The following B4GALNT4 variants were observed in gnomAD, a reference collection of about 807,000 sequenced individuals.
The protein encoded by B4GALNT4 is beta-1,4-N-acetyl-galactosaminyltransferase 4.
Under a neutral mutation model 110.0 loss-of-function variants are expected in B4GALNT4, and 77 were observed. The ratio of observed to expected loss-of-function variants is 0.70; its 90% CI spans 0.58 to 0.85. The LOEUF (loss-of-function observed/expected upper bound fraction) is 0.85. B4GALNT4 is among the 40% of genes least tolerant of loss of function. The pLI is 0.00. For synonymous variants in B4GALNT4, 785 were observed against 655.5 expected (o/e 1.20, Z -3.02); for missense variants, 1,575 against 1,506.0 (o/e 1.05, Z -0.76).
Position 379,512 on chromosome 11 carries a change from G to C in B4GALNT4, c.2299G>C (p.Gly767Arg), listed in dbSNP as rs776663552. ...FLLELELQER[G>R]GGRLRLSEYV... ...GCTGGAGCTGGAGCTGCAGGAGCGCGGGGGCGGCCGCCTGCGACTGTCCGA... is the reference window on the plus strand; with the variant it reads ...GCTGGAGCTGGAGCTGCAGGAGCGCCGGGGCGGCCGCCTGCGACTGTCCGA... Residue 767 changes from glycine to arginine, a missense_variant, in exon 15 of 20, where the codon GGG becomes CGG. Transcript: ENST00000329962. 6.3e-7 allele frequency: 1 copy of C among 1,576,896 alleles called. No individual in the cohort carries two copies.
rs1296618298 is a variant in B4GALNT4 at position 381,843 on chromosome 11, G to T, written c.*51G>T. On this transcript the variant is annotated 3_prime_UTR_variant, in exon 20 of 20. Transcript: ENST00000329962. The stretch of plus-strand genomic sequence containing the variant: ...GTGGGAGTCCCGAGGCAGCTGCTGG[G>T]GGCTGGGCTTTGAGCTCGGTCCCGA... The T allele has an allele frequency of 6.6e-7, 1 of 1,513,126 alleles. No homozygotes were observed. The highest frequency in any genetic ancestry group is 1.2e-5 in the South Asian group (1 of 80,398). 93.7% of individuals were successfully genotyped at this position (1,513,126 alleles called of 1,614,324 possible). A position where few individuals can be genotyped will look rare whatever the true frequency, so the allele number is the denominator to read the frequency against.
In B4GALNT4 at chr11:376,608, C is replaced by G; in HGVS notation, c.1485C>G (p.Ser495Arg). 2.2e-6 allele frequency: 3 copies of G among 1,394,676 alleles called. No individual in the cohort carries two copies. In the South Asian group the frequency reaches 4.4e-5, roughly 20 times the overall value. 86.4% of individuals were successfully genotyped at this position (1,394,676 alleles called of 1,614,324 possible). ...CCCCCAGGCACTCCCGGGCCCTGAGCTGGGCCGCCAGGGCCGCCCGCCCTT... is the reference window on the plus strand; with the variant it reads ...CCCCCAGGCACTCCCGGGCCCTGAGGTGGGCCGCCAGGGCCGCCCGCCCTT... ...GGTPRHSRAL[S>R]WAARAARPLP... The change falls in exon 14 of 20, where the codon AGC becomes AGG. Residue 495 changes from serine to arginine, a missense_variant. Transcript: ENST00000329962.
chr11:373,244 C>A lies in B4GALNT4; in HGVS notation c.589C>A (p.Leu197Met). The change falls in exon 6 of 20, where the codon CTG becomes ATG. Residue 197 changes from leucine (L) to methionine (M), a missense_variant. Coordinates refer to ENST00000329962, the MANE Select transcript of B4GALNT4 (RefSeq NM_178537.5). Reference protein sequence around the residue: ...SDDNSEFWLSLDESPAAAQLV... With the variant: ...SDDNSEFWLSMDESPAAAQLV... ...CGACAACTCGGAGTTCTGGCTGAGTCTGGACGAGAGCCCTGCTGCTGCCCA... is the reference window on the plus strand; with the variant it reads ...CGACAACTCGGAGTTCTGGCTGAGTATGGACGAGAGCCCTGCTGCTGCCCA... 6.2e-7 allele frequency: 1 copy of A among 1,612,168 alleles called. No individual in the cohort carries two copies.
In B4GALNT4 at chr11:377,186, TG is replaced by T; in HGVS notation, c.2066del (p.Gly689AlafsTer33). On this transcript the variant is annotated frameshift_variant, in exon 14 of 20. Coordinates refer to ENST00000329962, the MANE Select transcript of B4GALNT4 (RefSeq NM_178537.5). LOFTEE classifies it high-confidence loss of function. ...ATCGACTGGCAGCGCACGTTCAGCG[TG>T]GGCGCCGTGGACTTCGAGCTGCTGC... ...DAIDWQRTFS[V>X]GAVDFELLRS... 6.3e-7 allele frequency: 1 copy of T among 1,582,994 alleles called. No homozygotes were observed. The highest frequency in any genetic ancestry group is 8.6e-7 in the Non-Finnish European group (1 of 1,166,122).
Position 377,023 on chromosome 11 carries a change from G to T in B4GALNT4, c.1900G>T (p.Val634Leu). The T allele has an allele frequency of 6.9e-7, 1 of 1,442,256 alleles. No individual in the cohort carries two copies. The highest frequency in any genetic ancestry group is 9.1e-7 in the Non-Finnish European group (1 of 1,100,844). 89.3% of individuals were successfully genotyped at this position (1,442,256 alleles called of 1,614,324 possible). The change falls in exon 14 of 20, where the codon GTG (valine) becomes TTG (leucine). Residue 634 changes from valine (V) to leucine (L), a missense_variant. Physicochemically the swap from Val to Leu is conservative, Grantham distance 32. Coordinates refer to ENST00000329962, the MANE Select transcript of B4GALNT4 (RefSeq NM_178537.5). The part of the protein sequence containing the change: ...PVTSFLSLSQ[V>L]SGPQLPGEGE... ...GACCTCCTTCCTGAGCTTGTCCCAGGTGTCCGGGCCGCAGCTGCCCGGGGA... is the reference window on the plus strand; with the variant it reads ...GACCTCCTTCCTGAGCTTGTCCCAGTTGTCCGGGCCGCAGCTGCCCGGGGA...
rs531350261 is a variant in B4GALNT4, at chr11:377,133, G to A, written c.2010G>A (p.Pro670=). ...AGGACAGCGAGGAGGCCGCGGGCCC[G>A]GCGCTCGGACGCTGGCGTGAGGACG... ...ASEDSEEAAG[P]ALGRWREDAI... is the part of the protein sequence containing the mutation. The change falls in exon 14 of 20, where the codon CCG becomes CCA. Residue 670 remains proline (P), a synonymous_variant. Transcript: ENST00000329962. 5.4e-5 allele frequency: 82 copies of A among 1,511,560 alleles called. No homozygotes were observed. In the African/African-American group the frequency reaches 9.7e-4, roughly 18 times the overall value. 93.6% of individuals were successfully genotyped at this position (1,511,560 alleles called of 1,614,324 possible). A position where few individuals can be genotyped will look rare whatever the true frequency, so the allele number is the denominator to read the frequency against.
chr11:381,809 CCAGCCCCGGTGGGAGTCCCGAGG>C lies in B4GALNT4; in HGVS notation c.*22_*44del. ...GCGTCTTGAGGACGGGCAGCCCCTC[CCAGCCCCGGTGGGAGTCCCGAGG>C]CAGCTGCTGGGGGCTGGGCTTTGAG... On this transcript the variant is annotated 3_prime_UTR_variant, in exon 20 of 20. Coordinates refer to ENST00000329962, the MANE Select transcript of B4GALNT4 (RefSeq NM_178537.5). The C allele has an allele frequency of 6.4e-7, 1 of 1,565,206 alleles. No homozygotes were observed. The highest frequency in any genetic ancestry group is 1.4e-5 in the African/African-American group (1 of 71,288).
At position 376,758 on chromosome 11, in the gene B4GALNT4, G is replaced by A. The variant is rs1419793070; in HGVS notation, c.1635G>A (p.Ala545=). 5.1e-6 allele frequency: 7 copies of A among 1,386,058 alleles called. 1 individual carries two copies. Among genetic ancestry groups the A allele is most frequent in the East Asian group, 3.3e-5 (1 of 30,290 alleles). The allele number at this position is 1,386,058 out of a possible 1,614,324, so 85.9% of individuals were successfully genotyped here. The change falls in exon 14 of 20, where the codon GCG becomes GCA. Residue 545 remains alanine (A), a synonymous_variant. Coordinates refer to ENST00000329962, the MANE Select transcript of B4GALNT4 (RefSeq NM_178537.5). ...RASPRAPAPR[A]PWPPFPGVFL... The stretch of plus-strand genomic sequence containing the variant: ...CCCCCCGGGCCCCAGCGCCGCGTGC[G>A]CCCTGGCCGCCCTTCCCTGGCGTCT...
rs1590343787 is a variant in B4GALNT4, at chr11:380,212, C to T, written c.2715+10C>T. The T allele has an allele frequency of 5.6e-6, 9 of 1,604,452 alleles. No individual in the cohort carries two copies. Among genetic ancestry groups the T allele is most frequent in the Non-Finnish European group, 7.7e-6 (9 of 1,173,904 alleles). On this transcript the variant is annotated intron_variant, in intron 17 of 19. Transcript: ENST00000329962. The stretch of plus-strand genomic sequence containing the variant: ...AGTGGACGCGGTAGAGGTCCGAGGG[C>T]CCCATGGGGGTCGGGGAGCAAAACG...
intron 18 of B4GALNT4, 76 bp downstream of exon 18, chr11:380,521 C>T (rs1157389957): frequency 1.3e-6 from 2 of 1,519,784 alleles, no homozygotes; most frequent in African/African-American, 1.4e-5. Context: ...GAACCCGGGG[C>T]CTCTCTCAAT....
Position 376,902 on chromosome 11 carries a change from G to C in B4GALNT4, c.1779G>C (p.Ala593=), listed in dbSNP as rs780555075. 1 of 1,362,356 alleles carries C rather than the reference G, an allele frequency of 7.3e-7. No individual in the cohort carries two copies. The highest frequency in any genetic ancestry group is 9.4e-7 in the Non-Finnish European group (1 of 1,059,284). 84.4% of individuals were successfully genotyped at this position (1,362,356 alleles called of 1,614,324 possible). The change falls in exon 14 of 20, where the codon GCG becomes GCC. Residue 593 remains alanine, a synonymous_variant. Coordinates refer to ENST00000329962, the MANE Select transcript of B4GALNT4 (RefSeq NM_178537.5). ...QATQPRPPAR[A]QATQGGREGQ... ...CACAGCCGAGGCCCCCAGCCCGGGC[G>C]CAGGCCACCCAAGGGGGCCGGGAGG...
rs756203422 is a variant in B4GALNT4, at chr11:376,085, C to T, written c.1107C>T (p.Ser369=). 8 of 1,610,608 alleles carry T rather than the reference C, an allele frequency of 5.0e-6. No individual in the cohort carries two copies. Among genetic ancestry groups the T allele is most frequent in the Non-Finnish European group, 6.8e-6 (8 of 1,178,356 alleles). ...CCCCCACCCCCCAGGTGTACCTGTCCTTCGTTTATCCCAACGACTACACTC... is the reference window on the plus strand; with the variant it reads ...CCCCCACCCCCCAGGTGTACCTGTCTTTCGTTTATCCCAACGACTACACTC... ...RYQGLQFVYL[S]FVYPNDYTRL... Residue 369 remains serine (S), a synonymous_variant, in exon 12 of 20, where the codon TCC becomes TCT. Coordinates refer to ENST00000329962, the MANE Select transcript of B4GALNT4 (RefSeq NM_178537.5).
chr11:380,727 G>T, intron 18 of B4GALNT4, 98 bp from the exon 19 acceptor site: 2 of 1,591,464 alleles, frequency 1.3e-6, no homozygotes, highest in South Asian at 2.2e-5. Context: ...GATGGGACCC[G>T]GCACCTGACC....
Position 376,160 on chromosome 11 carries a change from G to T in B4GALNT4, c.1182G>T (p.Pro394=). Residue 394 remains proline (P), a synonymous_variant, in exon 12 of 20, where the codon CCG becomes CCT. Transcript: ENST00000329962. The stretch of plus-strand genomic sequence containing the variant: ...ACAAGTGCTTCTACCGCGAGTCTCC[G>T]CTGTATCTGGAGAGGTGGGCGCGCG... ...TDNKCFYRES[P]LYLERFGFYK... The T allele has an allele frequency of 6.3e-7, 1 of 1,584,080 alleles. No individual in the cohort carries two copies. The highest frequency in any genetic ancestry group is 8.6e-7 in the Non-Finnish European group (1 of 1,162,896).
intron 1 of B4GALNT4, among the ~76,000 whole-genome samples, chr11:370,944 C>T (rs938682765): frequency 6.6e-6 from 1 of 152,180 alleles, no homozygotes; most frequent in Non-Finnish European, 1.5e-5. Context: ...CTCACAGCTT[C>T]CACACCCTCA....
chr11:373,413 C>T (rs781345889), intron 6 of B4GALNT4, 36 bp from the exon 7 acceptor site: 1 of 1,088,966 alleles, frequency 9.2e-7, no homozygotes, highest in Non-Finnish European at 1.4e-6. Context: ...AGTGAACCCC[C>T]CCCCCCACCA....
rs1453614013 is a variant in B4GALNT4, at chr11:380,543, G to A, written c.2869+98G>A. On this transcript the variant is annotated intron_variant, in intron 18 of 19. Transcript: ENST00000329962. ...GGGCCTCTCTCAATTCCCAGGGGAG[G>A]CCTGGGAGTCCATCAGTGCTCCCCG... The A allele has an allele frequency of 4.1e-6, 6 of 1,465,758 alleles. No individual in the cohort carries two copies. In the Admixed American group the frequency reaches 1.2e-4, roughly 29 times the overall value. The allele number at this position is 1,465,758 out of a possible 1,614,324, so 90.8% of individuals were successfully genotyped here. A position where few individuals can be genotyped will look rare whatever the true frequency, so the allele number is the denominator to read the frequency against.
chr11:375,517 C>T lies in B4GALNT4; in HGVS notation c.840C>T (p.Ser280=), dbSNP rs550221334. The change falls in exon 9 of 20, where the codon TCC becomes TCT. Residue 280 remains serine (S), a synonymous_variant. Transcript: ENST00000329962. ...AGGTCATCAGCTCTGCTCACATCTC[C>T]CTGTACACAGGTGCGAGCGGACGCC... is the stretch of plus-strand genomic sequence containing the variant. ...KFEVISSAHI[S]LYTDESALKM... The T allele has an allele frequency of 2.0e-5, 32 of 1,611,334 alleles. No homozygotes were observed. The South Asian group carries it at 3.1e-4, about 15-fold the overall frequency.
chr11:379,650 C>G lies in B4GALNT4; in HGVS notation c.2437C>G (p.Pro813Ala). The G allele has an allele frequency of 6.6e-7, 1 of 1,506,252 alleles. No individual in the cohort carries two copies. The allele number at this position is 1,506,252 out of a possible 1,614,324, so 93.3% of individuals were successfully genotyped here. A position where few individuals can be genotyped will look rare whatever the true frequency, so the allele number is the denominator to read the frequency against. Residue 813 changes from proline (P) to alanine (A), a missense_variant, in exon 15 of 20, where the codon CCA becomes GCA. Physicochemically the swap from Pro to Ala is conservative, Grantham distance 27. Coordinates refer to ENST00000329962, the MANE Select transcript of B4GALNT4 (RefSeq NM_178537.5). The stretch of plus-strand genomic sequence containing the variant: ...CGACGGCCGCCCCGAGCTCTGCCGG[C>G]CACTGCGCCTGGCCTGGCGCCAGGA... ...RPDGRPELCRPLRLAWRQDVM... is the reference protein window; with the variant it reads ...RPDGRPELCRALRLAWRQDVM...
Sources: gnomAD v4.1 joint callset for allele counts (sites outside exome capture counted in the v4.1 genomes callset) on GRCh38, gnomAD v4.1.1 for gene constraint, MANE v1.5 for transcripts, NCBI Gene and HGNC (gene_info 2026-07-23, HGNC 2026-07-21) for gene names.